The following KANK1 variants were observed in gnomAD, a reference collection of about 807,000 sequenced individuals.
KANK1 encodes the protein KN motif and ankyrin repeat domains 1.
In KANK1, 109 loss-of-function variants were observed where a neutral mutation model predicts 106.2. That is an observed-to-expected ratio of 1.03 (90% CI 0.88 to 1.20). The LOEUF is 1.20. Ranked by LOEUF, KANK1 falls within the 50% of genes most tolerant of loss-of-function variation. KANK1 has a pLI of 0.00. For missense variants in KANK1, 2,399 were observed against 1,710.7 expected, an observed-to-expected ratio of 1.40 and a Z score of -7.10; for synonymous variants, 873 against 652.2, an observed-to-expected ratio of 1.34 and a Z score of -5.16.
intron 1 of KANK1, among the ~76,000 whole-genome samples, chr9:557,788 G>C (rs1454493036): frequency 6.6e-6 from 1 of 152,168 alleles, no homozygotes; most frequent in Non-Finnish European, 1.5e-5. Flanking sequence ...CCAGCACTTT[G>C]GGAGGCTGAG....
intron 3 of KANK1, among the ~76,000 whole-genome samples, chr9:496,116 T>G (rs2058456341): frequency 6.6e-6 from 1 of 152,314 alleles, no homozygotes; most frequent in South Asian, 2.1e-4. Flanking sequence ...TATTTGAACC[T>G]CTGTGAGCCC....
chr9:697,671 A>T (rs185092818), intron 2 of KANK1, among the ~76,000 whole-genome samples: 1 of 152,308 alleles, frequency 6.6e-6, no homozygotes, highest in East Asian at 1.9e-4. Flanking sequence ...TGGTATTCCT[A>T]CATATTTATT....
intron 2 of KANK1, chr9:684,690 C>T: frequency 1.8e-6 from 1 of 545,566 alleles, no homozygotes; most frequent in Non-Finnish European, 2.3e-6. Flanking sequence ...CAGGGTTTGC[C>T]TTCTTCCTGT....
At chr9:655,789 A>G (rs374049861) in intron 1 of KANK1, among the ~76,000 whole-genome samples, 1 of 152,170 alleles carries the variant, frequency 6.6e-6, no homozygotes, top group Non-Finnish European at 1.5e-5. Flanking sequence ...ATTAATGACT[A>G]TTTCCCTTCC....
intron 2 of KANK1, chr9:693,548 A>G (rs1274705236): frequency 6.1e-6 from 6 of 985,272 alleles, no homozygotes; most frequent in Non-Finnish European, 7.2e-6. Flanking sequence ...TCTTGCTAGC[A>G]GTTTTGTTTG....
rs370012200 is a variant in KANK1 at position 558,137 on chromosome 9, G to C, written c.-84+53383G>C. ...AGAATGGGCAGGCACCTTTGAAAAG[G>C]CTAGAGGAAAATTTTGGAAGGGCAT... On this transcript the variant is annotated intron_variant, in intron 1 of 11. Coordinates refer to ENST00000382297, the MANE Select transcript of KANK1 (RefSeq NM_015158.5). Among the ~76,000 whole-genome samples the C allele has an allele frequency of 9.0e-4, 137 of 152,284 alleles. 1 individual carries two copies. Among genetic ancestry groups the C allele is most frequent in the African/African-American group, 3.2e-3 (131 of 41,552 alleles).
chr9:571,308 A>G (rs7026360), intron 1 of KANK1, among the ~76,000 whole-genome samples: 8,857 of 152,276 alleles, frequency 0.058, 847 homozygotes, highest in African/African-American at 0.2. Flanking sequence ...ATTGTTGACA[A>G]TTGCTAGAGG....
In KANK1 at chr9:712,569, A is replaced by G; in HGVS notation, c.1803A>G (p.Glu601=). ...TGAGTGTGGAAGTCAGCGTCTGCGA[A>G]ACAGGCAGCAACACAGAGGAGTCTG... ...KSVSVEVSVC[E]TGSNTEESVN... The change falls in exon 3 of 12, where the codon GAA becomes GAG. Residue 601 remains glutamate, a synonymous_variant. Coordinates refer to ENST00000382297, the MANE Select transcript of KANK1 (RefSeq NM_015158.5). 6.2e-7 allele frequency: 1 copy of G among 1,614,208 alleles called. No homozygotes were observed. The highest frequency in any genetic ancestry group is 8.5e-7 in the Non-Finnish European group (1 of 1,180,038).
intron 2 of KANK1, among the ~76,000 whole-genome samples, chr9:683,792 T>C (rs950861513): frequency 2.0e-5 from 3 of 152,230 alleles, no homozygotes; most frequent in African/African-American, 4.8e-5. Context: ...TACAGCTTCA[T>C]CCTAGTATTA....
intron 9 of KANK1, among the ~76,000 whole-genome samples, chr9:741,527 A>G (rs371134711): frequency 1.2e-4 from 14 of 117,294 alleles, no homozygotes; most frequent in South Asian, 8.5e-4. Flanking sequence ...TCATTCTGTC[A>G]CCCAGGCTGG....
At chr9:673,429 T>TG (rs1048290583) in intron 1 of KANK1, 1 of 152,482 alleles carries the variant, frequency 6.6e-6, no homozygotes, top group African/African-American at 2.4e-5. Flanking sequence ...AGCCTGGTCT[T>TG]GAACTCCTGG....
intron 3 of KANK1, chr9:495,342 GA>G (rs1341777024): frequency 1.1e-4 from 16 of 152,146 alleles, no homozygotes; most frequent in African/African-American, 3.9e-4. Flanking sequence ...GACTATGTTA[GA>G]GATACCAGGT....
chr9:594,416 C>T (rs895053518), intron 1 of KANK1, among the ~76,000 whole-genome samples: 3 of 151,724 alleles, frequency 2.0e-5, no homozygotes, highest in African/African-American at 7.3e-5. Context: ...GAATTAGGGA[C>T]AAATCATATA....
chr9:742,761 G>A (rs1836011571), intron 10 of KANK1, among the ~76,000 whole-genome samples: 1 of 152,140 alleles, frequency 6.6e-6, no homozygotes, highest in Non-Finnish European at 1.5e-5. Context: ...AGGTGCACTT[G>A]GAAATCTGGA....
At chr9:610,422 G>A (rs1830295324) in intron 1 of KANK1, among the ~76,000 whole-genome samples, 1 of 152,166 alleles carries the variant, frequency 6.6e-6, no homozygotes, top group South Asian at 2.1e-4. Context: ...AGTGATAATG[G>A]TGTACTATAT....
chr9:636,791 C>T (rs557440629), intron 1 of KANK1, among the ~76,000 whole-genome samples: 8 of 152,250 alleles, frequency 5.3e-5, no homozygotes, highest in Middle Eastern at 3.4e-3. Flanking sequence ...CGCATGAACC[C>T]GGGAGGTGGA....
chr9:490,958 CTTTTT>C (rs758168904), intron 3 of KANK1, among the ~76,000 whole-genome samples: 1 of 116,350 alleles, frequency 8.6e-6, no homozygotes. Context: ...GCTAAAGTGG[CTTTTT>C]TTTTTTTTTT....
At chr9:607,428 T>A (rs1829488534) in intron 1 of KANK1, among the ~76,000 whole-genome samples, 1 of 135,440 alleles carries the variant, frequency 7.4e-6, no homozygotes, top group Non-Finnish European at 1.5e-5. Flanking sequence ...GAGGTTGCAG[T>A]GAGCCAAGAT....
intron 3 of KANK1, among the ~76,000 whole-genome samples, chr9:716,988 G>T (rs1418994019): frequency 1.3e-5 from 2 of 150,638 alleles, no homozygotes; most frequent in African/African-American, 2.4e-5. Flanking sequence ...GTCTGTGGGT[G>T]GGGGTGGTGG....
Sources: gnomAD v4.1 joint callset for allele counts (sites outside exome capture counted in the v4.1 genomes callset) on GRCh38, gnomAD v4.1.1 for gene constraint, MANE v1.5 for transcripts, NCBI Gene and HGNC (gene_info 2026-07-23, HGNC 2026-07-21) for gene names.